Variants in NAT10 observed in about 807,000 individuals in gnomAD.
NAT10 encodes RNA cytidine acetyltransferase.
A neutral mutation model predicts 132.2 loss-of-function variants in NAT10; 109 were observed. The observed-to-expected ratio is 0.82, with a 90% CI of 0.71 to 0.97. The LOEUF (loss-of-function observed/expected upper bound fraction) is 0.97, where lower values mean the gene tolerates loss of function less well. Ranked by LOEUF, NAT10 falls within the 50% of genes least tolerant of loss-of-function variation. The probability of loss-of-function intolerance (pLI) is 0.00; values close to 1 mark genes in which losing one functional copy is unlikely to be tolerated. For missense variants in NAT10, 1,184 were observed against 1,263.4 expected (o/e 0.94, Z 0.95); for synonymous variants, 479 against 478.0 (o/e 1.00, Z -0.03).
Position 34,140,541 on chromosome 11 carries a change from TG to T in NAT10, c.2566del (p.Asp856ThrfsTer36), listed in dbSNP as rs1052313043. ...TCTCGCATCTATTTCCTGAACCAGC[TG>T]GGGGACCTGGCCCTGTCTGCGGCTC... ...AISRIYFLNQLGDLALSAAQS... is the reference protein window; with the variant it reads ...AISRIYFLNQXGDLALSAAQS... On this transcript the variant is annotated frameshift_variant, in exon 24 of 29. Coordinates refer to ENST00000257829, the MANE Select transcript of NAT10 (RefSeq NM_024662.3). LOFTEE classifies it high-confidence loss of function. 3.7e-6 allele frequency: 6 copies of T among 1,614,138 alleles called. No individual in the cohort carries two copies. The highest frequency in any genetic ancestry group is 5.1e-6 in the Non-Finnish European group (6 of 1,179,994).
intron 8 of NAT10, among the ~76,000 whole-genome samples, chr11:34,121,610 C>T (rs1851895070): frequency 6.6e-6 from 1 of 152,030 alleles, no homozygotes; most frequent in African/African-American, 2.4e-5. Context: ...GCCTGTAATC[C>T]CAGCACTTTG....
chr11:34,114,855 C>T (rs1326688362), intron 5 of NAT10, among the ~76,000 whole-genome samples: 1 of 152,170 alleles, frequency 6.6e-6, no homozygotes, highest in East Asian at 1.9e-4. Flanking sequence ...GTACTAGTCT[C>T]TAAATTTCAC....
Position 34,122,544 on chromosome 11 carries a change from G to A in NAT10, c.866G>A (p.Gly289Glu). 6.2e-7 allele frequency: 1 copy of A among 1,614,198 alleles called. No individual in the cohort carries two copies. Among genetic ancestry groups the A allele is most frequent in the Non-Finnish European group, 8.5e-7 (1 of 1,180,042 alleles). Residue 289 changes from glycine (G) to glutamate (E), a missense_variant, in exon 9 of 29, where the codon GGA becomes GAA. Physicochemically the swap from Gly to Glu is moderately conservative, Grantham distance 98. Transcript: ENST00000257829. ...TVALTAARGRGKSAALGLAIA... is the reference protein window; with the variant it reads ...TVALTAARGREKSAALGLAIA... ...GCACTCACAGCTGCTCGAGGACGGG[G>A]AAAATCTGCAGCCCTGGGATTGGCG...
intron 6 of NAT10, among the ~76,000 whole-genome samples, chr11:34,116,595 T>G (rs1161296457): frequency 6.6e-6 from 1 of 151,680 alleles, no homozygotes; most frequent in South Asian, 2.1e-4. Flanking sequence ...TTTTTTGTAT[T>G]ATTATTATTA....
rs1387850050 is a variant in NAT10, at chr11:34,139,473, C to T, written c.2397C>T (p.Asn799=). 1.2e-6 allele frequency: 2 copies of T among 1,613,942 alleles called. No individual in the cohort carries two copies. Among genetic ancestry groups the T allele is most frequent in the African/African-American group, 1.3e-5 (1 of 74,896 alleles). ...CTCTGAACATCATTCAGAACAGGAA[C>T]ATGGGGAAGCCAGCCCAGCCTGGTG... ...SLALNIIQNR[N]MGKPAQPALS... is the part of the protein sequence containing the mutation. The change falls in exon 23 of 29, where the codon AAC becomes AAT. Residue 799 remains asparagine, a synonymous_variant. Transcript: ENST00000257829.
At chr11:34,122,100 T>C (rs1020192714) in intron 8 of NAT10, among the ~76,000 whole-genome samples, 7 of 151,704 alleles carry the variant, frequency 4.6e-5, no homozygotes, top group Admixed American at 3.9e-4. Flanking sequence ...CGCTTGAACC[T>C]GGGAGGTGGA....
chr11:34,111,213 G>A (rs12272869), intron 3 of NAT10, among the ~76,000 whole-genome samples: 1 of 152,170 alleles, frequency 6.6e-6, no homozygotes, highest in African/African-American at 2.4e-5. Context: ...CCCTGTCTTA[G>A]TCTGGCAGAG....
intron 11 of NAT10, among the ~76,000 whole-genome samples, chr11:34,125,351 A>C (rs1026147667): frequency 1.3e-5 from 2 of 152,154 alleles, no homozygotes; most frequent in African/African-American, 4.8e-5. Context: ...AAGAAGGAAA[A>C]CATTTCCCTG....
At chr11:34,114,917 C>T (rs779806017) in intron 5 of NAT10, among the ~76,000 whole-genome samples, 2 of 152,184 alleles carry the variant, frequency 1.3e-5, no homozygotes, top group Non-Finnish European at 2.9e-5. Context: ...CTTTGGGAGC[C>T]TGAGGTGGGC....
intron 28 of NAT10, among the ~76,000 whole-genome samples, chr11:34,145,436 A>T (rs1244068237): frequency 6.6e-6 from 1 of 152,186 alleles, no homozygotes; most frequent in Non-Finnish European, 1.5e-5. Flanking sequence ...GTCTCCTTAT[A>T]GGGAAGTATT....
At position 34,134,309 on chromosome 11, in the gene NAT10, TC is replaced by T; in HGVS notation, c.1735-5del. On this transcript the variant is annotated splice_polypyrimidine_tract_variant and intron_variant, in intron 16 of 28. Transcript: ENST00000257829. ...GCCTTTCTGCCTGCACTGTCCTGCT[TC>T]CCCCACAGGTGTGCCTTGAAGGGGA... 3.1e-6 allele frequency: 5 copies of T among 1,613,072 alleles called. No homozygotes were observed. Among genetic ancestry groups the T allele is most frequent in the Non-Finnish European group, 4.2e-6 (5 of 1,179,062 alleles).
In NAT10 at chr11:34,112,122, G is replaced by A. The variant is rs1851706427; in HGVS notation, c.271G>A (p.Asp91Asn). ...KNGTLNIKQD[D>N]PFELFIAATN... ...TGGAACACTGAACATAAAGCAGGACGACCCCTTTGAACTCTTCATAGCAGC... is the reference window on the plus strand; with the variant it reads ...TGGAACACTGAACATAAAGCAGGACAACCCCTTTGAACTCTTCATAGCAGC... The change falls in exon 4 of 29, where the codon GAC becomes AAC. Residue 91 changes from aspartate (D) to asparagine (N), a missense_variant. Asp to Asn is a conservative substitution (Grantham distance 23, BLOSUM62 1). Coordinates refer to ENST00000257829, the MANE Select transcript of NAT10 (RefSeq NM_024662.3). The A allele has an allele frequency of 1.2e-6, 2 of 1,614,192 alleles. No individual in the cohort carries two copies. Among genetic ancestry groups the A allele is most frequent in the South Asian group, 2.2e-5 (2 of 91,072 alleles).
In NAT10 at chr11:34,134,589, A is replaced by C. The variant is rs753959674; in HGVS notation, c.1911+3A>C. ...CTGTTCACCCAGATTATCAAGGGGT[A>C]ATGTGTCCTCAGGCTCCCCTGAAGC... On this transcript the variant is annotated splice_donor_region_variant and intron_variant, in intron 18 of 28. Transcript: ENST00000257829. The C allele has an allele frequency of 3.1e-6, 5 of 1,614,026 alleles. No homozygotes were observed. The Admixed American group carries it at 8.3e-5, about 27-fold the overall frequency.
At chr11:34,106,915 A>G (rs1278006407) in intron 1 of NAT10, 4 of 152,178 alleles carry the variant, frequency 2.6e-5, no homozygotes, top group Admixed American at 1.3e-4. Context: ...AGAGTTTCTA[A>G]GTAGCATGTC....
chr11:34,128,698 T>C (rs1015607472), intron 12 of NAT10, among the ~76,000 whole-genome samples: 2 of 152,238 alleles, frequency 1.3e-5, no homozygotes, highest in African/African-American at 4.8e-5. Context: ...ATAACTCACA[T>C]ACTGTACTAT....
chr11:34,115,112 C>T (rs569282297), intron 5 of NAT10, among the ~76,000 whole-genome samples: 10 of 152,248 alleles, frequency 6.6e-5, no homozygotes, highest in South Asian at 2.1e-4. Flanking sequence ...GCTGAGGTCA[C>T]GCCACTGCAC....
intron 19 of NAT10, among the ~76,000 whole-genome samples, 184 bp from the exon 20 acceptor site, chr11:34,136,458 T>G (rs1852214762): frequency 1.3e-5 from 2 of 152,240 alleles, no homozygotes; most frequent in African/African-American, 4.8e-5. Flanking sequence ...CTATGCATGT[T>G]GAGGTGTTTT....
chr11:34,139,035 G>A (rs1300814584), intron 21 of NAT10, 156 bp from the exon 22 acceptor site: 2 of 622,922 alleles, frequency 3.2e-6, no homozygotes, highest in Admixed American at 2.7e-5. Context: ...GTGAAGGCGA[G>A]GGCTGTTTGA....
chr11:34,140,086 A>C (rs139525757), intron 23 of NAT10, among the ~76,000 whole-genome samples: 3 of 152,238 alleles, frequency 2.0e-5, no homozygotes, highest in Admixed American at 6.5e-5. Context: ...ACACCAAATG[A>C]AGTGACAAAG....
Sources: allele counts gnomAD v4.1 joint callset (sites outside exome capture counted in the v4.1 genomes callset), GRCh38; gene constraint gnomAD v4.1.1; transcripts MANE v1.5; gene names NCBI Gene and HGNC (gene_info 2026-07-23, HGNC 2026-07-21).